Variants in SRD5A2 observed in about 807,000 individuals in gnomAD.
The protein encoded by SRD5A2 is steroid 5 alpha-reductase 2.
In SRD5A2, 30 loss-of-function variants were observed where a neutral mutation model predicts 27.4. That is an observed-to-expected ratio of 1.10 (90% CI 0.82 to 1.49). The LOEUF is 1.49. Among genes scored for constraint, SRD5A2 ranks in the 40% most tolerant of loss-of-function variants. The pLI is 0.00. For synonymous variants in SRD5A2, 141 were observed against 133.6 expected, an observed-to-expected ratio of 1.06 and a Z score of -0.38; for missense variants, 348 against 323.4, an observed-to-expected ratio of 1.08 and a Z score of -0.58.
Position 31,522,696 on chromosome 2 carries a change from C to A in SRD5A2, c.*3500G>T. 1 of 222,278 alleles carries A rather than the reference C, an allele frequency of 4.5e-6. No individual in the cohort carries two copies. Among genetic ancestry groups the A allele is most frequent in the Non-Finnish European group, 9.0e-6 (1 of 111,104 alleles). The allele number at this position is 222,278 out of a possible 1,614,324, so 13.8% of individuals were successfully genotyped here. On this transcript the variant is annotated 3_prime_UTR_variant, in exon 5 of 5. Coordinates refer to ENST00000622030, the MANE Select transcript of SRD5A2 (RefSeq NM_000348.4). Reference sequence around the variant, plus strand: ...CCCAAGAACTCACATTGCCACCCGGCTCTATGCCTCTTTCATCATAGGATA... The same window carrying A: ...CCCAAGAACTCACATTGCCACCCGGATCTATGCCTCTTTCATCATAGGATA...
At chr2:31,588,089 C>A in the SRD5A2 span, among the ~76,000 whole-genome samples, 29 of 151,786 alleles carry the variant, frequency 1.9e-4, no homozygotes, top group South Asian at 5.4e-3. Flanking sequence ...AAAAAAGAAT[C>A]AAAAAGAATG....
At chr2:31,621,981 G>C in the SRD5A2 span, among the ~76,000 whole-genome samples, 1 of 148,854 alleles carries the variant, frequency 6.7e-6, no homozygotes, top group Non-Finnish European at 1.5e-5. Context: ...GAACTTTTAA[G>C]TCAGGAGTAC....
the SRD5A2 span, among the ~76,000 whole-genome samples, chr2:31,653,128 C>T: frequency 1.3e-5 from 2 of 152,156 alleles, no homozygotes; most frequent in Admixed American, 1.3e-4. Context: ...ACCCCCAGTC[C>T]CCTAGAGCCG....
At chr2:31,572,503 C>A (rs1666872727) in intron 1 of SRD5A2, among the ~76,000 whole-genome samples, 1 of 152,104 alleles carries the variant, frequency 6.6e-6, no homozygotes, top group African/African-American at 2.4e-5. Context: ...AGAGACAAGT[C>A]ACAAACTGAG....
chr2:31,630,366 A>G, the SRD5A2 span, among the ~76,000 whole-genome samples: 1 of 152,212 alleles, frequency 6.6e-6, no homozygotes, highest in African/African-American at 2.4e-5. Flanking sequence ...AAAGAGAGAT[A>G]GAAGTAGTAA....
intron 1 of SRD5A2, among the ~76,000 whole-genome samples, chr2:31,551,174 A>G (rs956807589): frequency 6.6e-6 from 1 of 152,102 alleles, no homozygotes; most frequent in Admixed American, 6.6e-5. Context: ...CTATAGTGAA[A>G]ACTCCAAAGA....
chr2:31,574,582 G>T (rs1175814229), intron 1 of SRD5A2, among the ~76,000 whole-genome samples: 1 of 152,156 alleles, frequency 6.6e-6, no homozygotes, highest in Non-Finnish European at 1.5e-5. Flanking sequence ...TGCTTATGAT[G>T]TCATTCCATT....
the SRD5A2 span, among the ~76,000 whole-genome samples, chr2:31,658,084 A>G: frequency 6.6e-6 from 1 of 152,122 alleles, no homozygotes; most frequent in East Asian, 1.9e-4. Context: ...ATTTGGGAAG[A>G]TAAAACCACA....
chr2:31,560,608 T>A (rs1197389740), intron 1 of SRD5A2, among the ~76,000 whole-genome samples: 1 of 152,350 alleles, frequency 6.6e-6, no homozygotes, highest in Middle Eastern at 3.4e-3. Context: ...TTTTTCCACC[T>A]TTTTTGCTGC....
intron 2 of SRD5A2, among the ~76,000 whole-genome samples, chr2:31,531,959 G>T (rs971900064): frequency 3.3e-5 from 5 of 152,132 alleles, no homozygotes; most frequent in African/African-American, 1.2e-4. Flanking sequence ...TTGGTTGGGG[G>T]ACTTCCTTGG....
intron 1 of SRD5A2, 129 bp downstream of exon 1, chr2:31,580,491 C>T: frequency 5.0e-6 from 6 of 1,190,354 alleles, no homozygotes; most frequent in Non-Finnish European, 6.8e-6. Context: ...GGCAGGCTGG[C>T]CTCCGCGTTC....
At chr2:31,531,956 G>T (rs1665917709) in intron 2 of SRD5A2, among the ~76,000 whole-genome samples, 1 of 152,090 alleles carries the variant, frequency 6.6e-6, no homozygotes, top group African/African-American at 2.4e-5. Context: ...GTCTTGGTTG[G>T]GGGACTTCCT....
chr2:31,648,778 A>G, the SRD5A2 span, among the ~76,000 whole-genome samples: 2 of 152,216 alleles, frequency 1.3e-5, no homozygotes, highest in Non-Finnish European at 2.9e-5. Context: ...CTCGAGGCAT[A>G]TAATCTTTTC....
At position 31,533,513 on chromosome 2, in the gene SRD5A2, G is replaced by T; in HGVS notation, c.445+90C>A. ...GAGGGGAAGATGGGATCATTACGAG[G>T]TCATTGCAGTAGGGAGAGGCCATGG... is the stretch of plus-strand genomic sequence containing the variant. On this transcript the variant is annotated intron_variant, in intron 2 of 4. Transcript: ENST00000622030. The T allele has an allele frequency of 2.5e-6, 3 of 1,196,120 alleles. No homozygotes were observed. The South Asian group carries it at 4.3e-5, about 17-fold the overall frequency. 74.1% of individuals were successfully genotyped at this position (1,196,120 alleles called of 1,614,324 possible). A position where few individuals can be genotyped will look rare whatever the true frequency, so the allele number is the denominator to read the frequency against.
chr2:31,629,088 A>T, the SRD5A2 span, among the ~76,000 whole-genome samples: 147 of 152,222 alleles, frequency 9.7e-4, no homozygotes, highest in African/African-American at 3.2e-3. Context: ...GTACAGGAAA[A>T]CACTGCCCCC....
At chr2:31,573,585 A>G (rs914340327) in intron 1 of SRD5A2, among the ~76,000 whole-genome samples, 1 of 152,174 alleles carries the variant, frequency 6.6e-6, no homozygotes, top group African/African-American at 2.4e-5. Context: ...GTAACAAAAA[A>G]TATTTATGCT....
chr2:31,592,759 G>A, the SRD5A2 span, among the ~76,000 whole-genome samples: 3 of 152,276 alleles, frequency 2.0e-5, no homozygotes, highest in South Asian at 6.2e-4. Flanking sequence ...GAAGGAACCA[G>A]AGATGACAAA....
intron 1 of SRD5A2, among the ~76,000 whole-genome samples, chr2:31,565,918 A>G (rs190783662): frequency 8.1e-4 from 124 of 152,154 alleles, no homozygotes; most frequent in African/African-American, 2.9e-3. Context: ...TCATGTTTAC[A>G]CAGAACAATT....
chr2:31,627,694 T>C, the SRD5A2 span, among the ~76,000 whole-genome samples: 1 of 152,092 alleles, frequency 6.6e-6, no homozygotes, highest in Non-Finnish European at 1.5e-5. Flanking sequence ...TTTCAAAGAA[T>C]TTCTTGAATC....
Sources: gnomAD v4.1 joint callset for allele counts (sites outside exome capture counted in the v4.1 genomes callset) on GRCh38, gnomAD v4.1.1 for gene constraint, MANE v1.5 for transcripts, NCBI Gene and HGNC (gene_info 2026-07-23, HGNC 2026-07-21) for gene names.